Variants in COL4A5 observed in about 807,000 individuals in gnomAD.
COL4A5 encodes the protein collagen type IV alpha 5 chain.
In COL4A5, 26 loss-of-function variants were observed where a neutral mutation model predicts 130.2. The observed-to-expected ratio is 0.20, with a 90% confidence interval of 0.15 to 0.28. The LOEUF (loss-of-function observed/expected upper bound fraction) is 0.28. COL4A5 is among the 10% of genes least tolerant of loss of function. The probability of loss-of-function intolerance (pLI) is 1.00; values close to 1 mark genes in which losing one functional copy is unlikely to be tolerated. For synonymous variants in COL4A5, 496 were observed against 439.6 expected (o/e 1.13, Z -1.60); for missense variants, 1,131 against 1,344.3 (o/e 0.84, Z 2.48).
intron 37 of COL4A5, among the ~76,000 whole-genome samples, chrX:108,657,068 A>G (rs945243430): frequency 1.8e-5 from 2 of 111,680 alleles, no homozygotes; most frequent in Non-Finnish European, 3.8e-5. Context: ...TTCAATAAAT[A>G]TTTGTCTATT....
intron 2 of COL4A5, among the ~76,000 whole-genome samples, chrX:108,545,280 A>T (rs1409870973): frequency 9.0e-6 from 1 of 111,080 alleles, no homozygotes; most frequent in Non-Finnish European, 1.9e-5. Context: ...ACTGCTTTAA[A>T]TATGTCCCAG....
chrX:108,645,659 C>T (rs2067565435), intron 36 of COL4A5, among the ~76,000 whole-genome samples: 1 of 108,150 alleles, frequency 9.2e-6, no homozygotes, highest in Non-Finnish European at 1.9e-5. Flanking sequence ...ATACATGTGC[C>T]ATGTTGGTGT....
At chrX:108,473,492 C>T (rs894506792) in intron 1 of COL4A5, among the ~76,000 whole-genome samples, 5 of 104,845 alleles carry the variant, frequency 4.8e-5, no homozygotes, top group Non-Finnish European at 7.8e-5. Flanking sequence ...TAGACTAATA[C>T]GTGTGCTTGT....
At chrX:108,650,214 C>T (rs989987839) in intron 36 of COL4A5, among the ~76,000 whole-genome samples, 2 of 110,891 alleles carry the variant, frequency 1.8e-5, no homozygotes, top group Non-Finnish European at 3.8e-5. Context: ...AAATCAAAAC[C>T]GCAATGCAAT....
intron 1 of COL4A5, among the ~76,000 whole-genome samples, chrX:108,496,467 A>G (rs937997116): frequency 9.0e-6 from 1 of 111,254 alleles, no homozygotes; most frequent in African/African-American, 3.3e-5. Context: ...TAATTTTTTT[A>G]TGTCCCAGAA....
At chrX:108,550,318 A>C (rs1304357649) in intron 2 of COL4A5, among the ~76,000 whole-genome samples, 1 of 112,019 alleles carries the variant, frequency 8.9e-6, no homozygotes, top group Non-Finnish European at 1.9e-5. Context: ...TATAAAGTGG[A>C]TGATTGGTTG....
chrX:108,591,584 C>T lies in COL4A5; in HGVS notation c.1363C>T (p.Pro455Ser), dbSNP rs778074923. ...AGGTGATGAGATATGTGAACCAGGC[C>T]CTCCAGGCCCCCCAGGATCTCCAGG... ...PPSDEICEPG[P>S]PGPPGSPGDK... Residue 455 changes from proline (P) to serine (S), a missense_variant, in exon 21 of 53, where the codon CCT becomes TCT. Transcript: ENST00000328300. 5.0e-6 allele frequency: 6 copies of T among 1,207,969 alleles called. No homozygotes were observed. Among genetic ancestry groups the T allele is most frequent in the Non-Finnish European group, 6.7e-6 (6 of 892,255 alleles).
At chrX:108,473,633 A>ATATATATATTT in intron 1 of COL4A5, among the ~76,000 whole-genome samples, 5 of 34,567 alleles carry the variant, frequency 1.4e-4, no homozygotes, top group African/African-American at 2.2e-4. Flanking sequence ...ATATATATAT[A>ATATATATATTT]TTTTTTTTTT....
At chrX:108,593,501 A>G (rs73528303) in intron 21 of COL4A5, among the ~76,000 whole-genome samples, 9,192 of 110,346 alleles carry the variant, frequency 0.083, 1,045 homozygotes, top group African/African-American at 0.28. Flanking sequence ...TACTTATCTC[A>G]GAGGCCTGAT....
At chrX:108,531,528 G>A (rs2065386022) in intron 1 of COL4A5, among the ~76,000 whole-genome samples, 1 of 109,301 alleles carries the variant, frequency 9.1e-6, no homozygotes, top group African/African-American at 3.3e-5. Context: ...TAACAATCTA[G>A]CAATGCACCT....
rs371958758 is a variant in COL4A5 at position 108,522,564 on chromosome X, A to G, written c.82-17182A>G. Among the ~76,000 whole-genome samples the G allele has an allele frequency of 5.9e-4, 62 of 105,976 alleles. 1 individual carries two copies. The highest frequency in any genetic ancestry group is 1.9e-3 in the African/African-American group (55 of 28,973). The allele number at this position is 105,976 out of a possible 115,157, so 92.0% of individuals were successfully genotyped here. A position where few individuals can be genotyped will look rare whatever the true frequency, so the allele number is the denominator to read the frequency against. ...GATGTTGAGCATATATTTATGTACA[A>G]TAAGCCCATAAAAAGATATATATAT... On this transcript the variant is annotated intron_variant, in intron 1 of 52. Transcript: ENST00000328300.
intron 1 of COL4A5, among the ~76,000 whole-genome samples, chrX:108,471,676 GA>G (rs2064771879): frequency 9.0e-6 from 1 of 111,639 alleles, no homozygotes; most frequent in African/African-American, 3.3e-5. Context: ...GTACTATGTC[GA>G]AAAGGAGTGG....
At chrX:108,597,623 T>C (rs747896739) in intron 24 of COL4A5, 55 bp downstream of exon 24, 1 of 1,039,475 alleles carries the variant, frequency 9.6e-7, no homozygotes, top group South Asian at 2.0e-5. Context: ...CTTAGAAATG[T>C]TTTCTAAGTT....
intron 2 of COL4A5, among the ~76,000 whole-genome samples, chrX:108,544,441 G>C (rs746665302): frequency 8.7e-4 from 98 of 112,017 alleles, no homozygotes; most frequent in African/African-American, 3.1e-3. Flanking sequence ...AACCAGCCTT[G>C]CATCCCAGGG....
At chrX:108,620,167 C>T (rs1426479112) in intron 30 of COL4A5, 92 bp from the exon 31 acceptor site, 15 of 752,828 alleles carry the variant, frequency 2.0e-5, no homozygotes, top group Non-Finnish European at 3.1e-5. Context: ...CTGTTATCTA[C>T]AGGGTTCTAT....
At chrX:108,443,054 A>T (rs1473232043) in intron 1 of COL4A5, 3 of 111,314 alleles carry the variant, frequency 2.7e-5, no homozygotes, top group African/African-American at 9.8e-5. Flanking sequence ...GTCTATAGAG[A>T]TTTACTGGTG....
At chrX:108,682,008 C>T in intron 47 of COL4A5, 120 bp downstream of exon 47, 1 of 668,837 alleles carries the variant, frequency 1.5e-6, no homozygotes, top group Non-Finnish European at 2.3e-6. Context: ...CTGCACCTAT[C>T]AACCCATCAT....
chrX:108,687,782 T>G, intron 49 of COL4A5, 88 bp downstream of exon 49: 2 of 827,816 alleles, frequency 2.4e-6, no homozygotes, highest in Non-Finnish European at 3.6e-6. Flanking sequence ...TTGGCCAAAG[T>G]GCCTCTCTCT....
At chrX:108,553,044 G>A (rs1338033035) in intron 2 of COL4A5, among the ~76,000 whole-genome samples, 3 of 111,534 alleles carry the variant, frequency 2.7e-5, no homozygotes, top group African/African-American at 6.5e-5. Context: ...TTGCATATGC[G>A]TATGCACAAA....
Sources: allele counts gnomAD v4.1 joint callset (sites outside exome capture counted in the v4.1 genomes callset), GRCh38; gene constraint gnomAD v4.1.1; transcripts MANE v1.5; gene names NCBI Gene and HGNC (gene_info 2026-07-23, HGNC 2026-07-21).